The following DOCK3 variants were observed in gnomAD, a reference collection of about 807,000 sequenced individuals.
DOCK3 encodes dedicator of cytokinesis protein 3.
In DOCK3, 60 loss-of-function variants were observed where a neutral mutation model predicts 265.6. The observed-to-expected ratio is 0.23, with a 90% CI of 0.18 to 0.28. DOCK3 has a LOEUF of 0.28. Among genes scored for constraint, DOCK3 ranks in the 10% least tolerant of loss-of-function variants. DOCK3 has a pLI of 1.00. For synonymous variants in DOCK3, 881 were observed against 938.0 expected, an observed-to-expected ratio of 0.94 and a Z score of 1.11; for missense variants, 1,981 against 2,594.3, an observed-to-expected ratio of 0.76 and a Z score of 5.14.
intron 37 of DOCK3, among the ~76,000 whole-genome samples, chr3:51,340,317 G>A (rs912193630): frequency 6.6e-6 from 1 of 152,182 alleles, no homozygotes; most frequent in African/African-American, 2.4e-5. Flanking sequence ...CCAGAGGGAG[G>A]CCCTGAGTTC....
rs928301001 is a variant in DOCK3, at chr3:50,970,597, A to G, written c.315+36520A>G. Reference sequence around the variant, plus strand: ...GTCTATTGTCTTCAGTGAACATTTTATTTCCAGAAGTTCTATTTGGTTTTT... The same window carrying G: ...GTCTATTGTCTTCAGTGAACATTTTGTTTCCAGAAGTTCTATTTGGTTTTT... On this transcript the variant is annotated intron_variant, in intron 5 of 52. Coordinates refer to ENST00000266037, the MANE Select transcript of DOCK3 (RefSeq NM_004947.5). 8.4e-4 allele frequency among the ~76,000 whole-genome samples: 127 copies of G among 151,012 alleles called. 1 individual carries two copies. The highest frequency in any genetic ancestry group is 1.5e-4 in the Non-Finnish European group (10 of 67,744).
At chr3:50,731,660 C>T (rs535238285) in intron 1 of DOCK3, among the ~76,000 whole-genome samples, 110 of 152,222 alleles carry the variant, frequency 7.2e-4, no homozygotes, top group African/African-American at 2.6e-3. Flanking sequence ...TTAGGTAAAA[C>T]TTACCACCAT....
chr3:51,098,517 C>T (rs2082956880), intron 9 of DOCK3, among the ~76,000 whole-genome samples: 1 of 152,212 alleles, frequency 6.6e-6, no homozygotes, highest in African/African-American at 2.4e-5. Context: ...CTGTGAAAAT[C>T]TTAGGGGACC....
At chr3:50,903,299 G>T (rs1325963231) in intron 4 of DOCK3, among the ~76,000 whole-genome samples, 3 of 151,994 alleles carry the variant, frequency 2.0e-5, no homozygotes, top group Non-Finnish European at 2.9e-5. Context: ...ATTGGTTATG[G>T]GTTTGTCCTA....
intron 27 of DOCK3, among the ~76,000 whole-genome samples, chr3:51,298,936 G>A (rs767355184): frequency 7.9e-5 from 12 of 152,168 alleles, no homozygotes; most frequent in Admixed American, 5.9e-4. Context: ...TATATACCCA[G>A]TAATAGGATT....
chr3:51,132,006 C>T (rs560106705), intron 9 of DOCK3, among the ~76,000 whole-genome samples: 9 of 152,256 alleles, frequency 5.9e-5, no homozygotes, highest in African/African-American at 2.2e-4. Context: ...ATGAGTAGGT[C>T]TAAAGTGACT....
chr3:50,742,189 G>A (rs13100927), intron 1 of DOCK3, among the ~76,000 whole-genome samples: 5 of 152,052 alleles, frequency 3.3e-5, no homozygotes, highest in Admixed American at 1.3e-4. Context: ...ACCAAAAACC[G>A]ATCTGTACAT....
At position 51,310,340 on chromosome 3, in the gene DOCK3, G is replaced by C; in HGVS notation, c.3017+14G>C. ...GCTCACAAGCAAGTAAGTATGGAAG[G>C]GCTCTGTATCAGCATCACTGAGCTG... On this transcript the variant is annotated intron_variant, in intron 28 of 52. Coordinates refer to ENST00000266037, the MANE Select transcript of DOCK3 (RefSeq NM_004947.5). 1 of 1,572,900 alleles carries C rather than the reference G, an allele frequency of 6.4e-7. No individual in the cohort carries two copies. The highest frequency in any genetic ancestry group is 2.3e-5 in the East Asian group (1 of 43,656).
chr3:51,175,306 G>T (rs1360594094), intron 12 of DOCK3, among the ~76,000 whole-genome samples: 1 of 152,192 alleles, frequency 6.6e-6, no homozygotes, highest in African/African-American at 2.4e-5. Context: ...TAGTGGTCCT[G>T]CCTCTAGACA....
At chr3:50,733,851 T>C (rs1485453169) in intron 1 of DOCK3, among the ~76,000 whole-genome samples, 1 of 152,194 alleles carries the variant, frequency 6.6e-6, no homozygotes, top group African/African-American at 2.4e-5. Flanking sequence ...TGGTATACTT[T>C]GATTCCTTTC....
At chr3:50,891,034 A>C (rs987669827) in intron 4 of DOCK3, among the ~76,000 whole-genome samples, 10 of 152,112 alleles carry the variant, frequency 6.6e-5, no homozygotes, top group Non-Finnish European at 1.5e-5. Context: ...GGGAATATCA[A>C]ATAGCTACTG....
chr3:50,776,656 G>A (rs2041618008), intron 1 of DOCK3, among the ~76,000 whole-genome samples: 1 of 152,046 alleles, frequency 6.6e-6, no homozygotes, highest in East Asian at 1.9e-4. Context: ...TTAAGCCAAT[G>A]TTCAGGAGAG....
chr3:51,238,626 T>C (rs1242601176), intron 21 of DOCK3, among the ~76,000 whole-genome samples: 1 of 152,136 alleles, frequency 6.6e-6, no homozygotes, highest in African/African-American at 2.4e-5. Context: ...TACCCTCCGA[T>C]AGGCCTCGGT....
intron 1 of DOCK3, among the ~76,000 whole-genome samples, chr3:50,770,181 A>G (rs2041188349): frequency 6.6e-6 from 1 of 152,178 alleles, no homozygotes; most frequent in Non-Finnish European, 1.5e-5. Context: ...TTTGCAGATG[A>G]TATTATCTTA....
intron 2 of DOCK3, among the ~76,000 whole-genome samples, chr3:50,800,358 G>A (rs1450498245): frequency 6.6e-6 from 1 of 151,392 alleles, no homozygotes; most frequent in Non-Finnish European, 1.5e-5. Flanking sequence ...TTACTGAGTT[G>A]TCTCATTACT....
At chr3:51,033,359 A>G (rs546649666) in intron 5 of DOCK3, among the ~76,000 whole-genome samples, 6 of 152,270 alleles carry the variant, frequency 3.9e-5, no homozygotes, top group Middle Eastern at 3.4e-3. Context: ...CCTTCCTTAA[A>G]ACTATTGCTA....
intron 5 of DOCK3, among the ~76,000 whole-genome samples, chr3:50,967,809 T>A (rs2077076687): frequency 6.6e-6 from 1 of 152,190 alleles, no homozygotes; most frequent in Non-Finnish European, 1.5e-5. Flanking sequence ...TATCTCCTGC[T>A]GGTCCCTCCC....
intron 4 of DOCK3, among the ~76,000 whole-genome samples, chr3:50,931,231 C>G (rs1377698779): frequency 6.6e-6 from 1 of 152,172 alleles, no homozygotes; most frequent in African/African-American, 2.4e-5. Context: ...GTTTAGGGCT[C>G]TCTCTCCACC....
At chr3:50,680,400 G>T (rs1418962995) in intron 1 of DOCK3, among the ~76,000 whole-genome samples, 1 of 151,202 alleles carries the variant, frequency 6.6e-6, no homozygotes, top group Non-Finnish European at 1.5e-5. Context: ...TTTTAGTAGA[G>T]ACGGGGTTTC....
Sources: allele counts gnomAD v4.1 joint callset (sites outside exome capture counted in the v4.1 genomes callset), GRCh38; gene constraint gnomAD v4.1.1; transcripts MANE v1.5; gene names NCBI Gene and HGNC (gene_info 2026-07-23, HGNC 2026-07-21).